Variants in BNC2 observed in about 807,000 individuals in gnomAD.
BNC2 encodes the protein zinc finger protein basonuclin-2.
In BNC2, 20 loss-of-function variants were observed where a neutral mutation model predicts 76.3. That is an observed-to-expected ratio of 0.26 (90% CI 0.18 to 0.38). BNC2 has a LOEUF of 0.38. Ranked by LOEUF, BNC2 falls within the 10% of genes least tolerant of loss-of-function variation. BNC2 has a pLI of 1.00. For synonymous variants in BNC2, 582 were observed against 514.8 expected (o/e 1.13, Z -1.77); for missense variants, 1,382 against 1,399.8 (o/e 0.99, Z 0.20).
chr9:16,757,922 A>G (rs938829459), intron 1 of BNC2, among the ~76,000 whole-genome samples: 3 of 152,164 alleles, frequency 2.0e-5, no homozygotes, highest in African/African-American at 7.2e-5. Flanking sequence ...AAAGCAAGGT[A>G]TATTAGTTTT....
At chr9:16,668,125 A>G (rs1235462296) in intron 3 of BNC2, among the ~76,000 whole-genome samples, 5 of 152,194 alleles carry the variant, frequency 3.3e-5, no homozygotes. Context: ...TGGAAAGACC[A>G]GCTTATTTTT....
At chr9:16,671,336 A>C (rs1277629849) in intron 3 of BNC2, among the ~76,000 whole-genome samples, 2 of 152,236 alleles carry the variant, frequency 1.3e-5, no homozygotes, top group Middle Eastern at 3.2e-3. Flanking sequence ...GAAGCAATGA[A>C]ATAACTCACA....
chr9:16,805,984 T>A (rs1219625012), intron 1 of BNC2, among the ~76,000 whole-genome samples: 2 of 152,154 alleles, frequency 1.3e-5, no homozygotes, highest in Non-Finnish European at 2.9e-5. Context: ...TACAAATGAT[T>A]TGCTTCCCCA....
intron 1 of BNC2, among the ~76,000 whole-genome samples, chr9:16,779,757 G>A (rs1468467437): frequency 2.0e-5 from 3 of 152,174 alleles, no homozygotes; most frequent in African/African-American, 7.2e-5. Flanking sequence ...AATTCCATTT[G>A]TATGAAATGT....
At chr9:16,645,875 C>G (rs969864890) in intron 3 of BNC2, among the ~76,000 whole-genome samples, 4 of 152,180 alleles carry the variant, frequency 2.6e-5, no homozygotes, top group African/African-American at 9.7e-5. Flanking sequence ...AGTAGCAACT[C>G]AGGTCCAGAA....
chr9:16,538,282 C>A (rs1818189271), intron 5 of BNC2, among the ~76,000 whole-genome samples: 1 of 152,146 alleles, frequency 6.6e-6, no homozygotes, highest in Non-Finnish European at 1.5e-5. Flanking sequence ...GTCAAGCTAT[C>A]AGATGAACTA....
chr9:16,807,667 T>C (rs1206636078), intron 1 of BNC2, among the ~76,000 whole-genome samples: 1 of 152,180 alleles, frequency 6.6e-6, no homozygotes, highest in Non-Finnish European at 1.5e-5. Flanking sequence ...AATTCCTGCT[T>C]ACATTACTAA....
chr9:16,767,119 A>T (rs919809511), intron 1 of BNC2, among the ~76,000 whole-genome samples: 1 of 152,218 alleles, frequency 6.6e-6, no homozygotes, highest in East Asian at 1.9e-4. Flanking sequence ...GGAAGATCGT[A>T]AGAGTGAGGG....
At chr9:16,599,243 G>A (rs910787654) in intron 3 of BNC2, among the ~76,000 whole-genome samples, 4 of 152,206 alleles carry the variant, frequency 2.6e-5, no homozygotes, top group Non-Finnish European at 4.4e-5. Context: ...TTTGGAATAT[G>A]AGCTTAATGT....
At chr9:16,451,986 A>C (rs2131075787) in intron 5 of BNC2, among the ~76,000 whole-genome samples, 1 of 152,318 alleles carries the variant, frequency 6.6e-6, no homozygotes, top group African/African-American at 2.4e-5. Context: ...CAAGATCAGG[A>C]GGCTAAAGTG....
chr9:16,431,427 T>C (rs1305711582), intron 6 of BNC2: 3 of 469,128 alleles, frequency 6.4e-6, no homozygotes, highest in South Asian at 4.7e-5. Flanking sequence ...TATCACGCTC[T>C]CTTCAAGAGA....
chr9:16,670,127 A>G lies in BNC2; in HGVS notation c.330+57670T>C, dbSNP rs183406535. Among the ~76,000 whole-genome samples, 183 of 152,284 alleles carry G rather than the reference A, an allele frequency of 1.2e-3. 1 individual carries two copies. Among genetic ancestry groups the G allele is most frequent in the Middle Eastern group, 6.8e-3 (2 of 294 alleles). ...TTAGTTTTTCCTTACACTCTTCTCT[A>G]AATCTTCACTGATCTATCATATGTC... is the stretch of plus-strand genomic sequence containing the variant. On this transcript the variant is annotated intron_variant, in intron 3 of 6. Transcript: ENST00000380672.
In BNC2 at chr9:16,412,958, G is replaced by C. The variant is rs1481321608; in HGVS notation, c.*6031C>G. 1 of 152,714 alleles carries C rather than the reference G, an allele frequency of 6.5e-6. No individual in the cohort carries two copies. Among genetic ancestry groups the C allele is most frequent in the Non-Finnish European group, 1.5e-5 (1 of 68,100 alleles). The allele number at this position is 152,714 out of a possible 1,614,324, so 9.5% of individuals were successfully genotyped here. ...GGGCCAGGGCAATAAGTAGCCAGGA[G>C]AGCTGGGCTGAAGCAGAGAGGGTGT... is the stretch of plus-strand genomic sequence containing the variant. On this transcript the variant is annotated 3_prime_UTR_variant, in exon 7 of 7. Coordinates refer to ENST00000380672, the MANE Select transcript of BNC2 (RefSeq NM_017637.6).
intron 2 of BNC2, among the ~76,000 whole-genome samples, chr9:16,732,294 G>A (rs919459534): frequency 1.3e-5 from 2 of 152,090 alleles, no homozygotes; most frequent in African/African-American, 2.4e-5. Flanking sequence ...TCTTTGAGGG[G>A]AAGGGGATAT....
intron 1 of BNC2, among the ~76,000 whole-genome samples, chr9:16,793,751 C>T (rs1817574627): frequency 6.8e-6 from 1 of 146,216 alleles, no homozygotes; most frequent in South Asian, 2.1e-4. Context: ...TTGCAAGCTC[C>T]GCCTCCCGGG....
chr9:16,414,119 T>G lies in BNC2; in HGVS notation c.*4870A>C, dbSNP rs140758697. The G allele has an allele frequency of 6.6e-6, 1 of 152,322 alleles. No homozygotes were observed. The highest frequency in any genetic ancestry group is 6.5e-5 in the Admixed American group (1 of 15,288). The allele number at this position is 152,322 out of a possible 1,614,324, so 9.4% of individuals were successfully genotyped here. ...CGGCTCTTCCTGACCCCAAAGGAAC[T>G]TCAGCTATTTCATGCAGCTGTACTT... On this transcript the variant is annotated 3_prime_UTR_variant, in exon 7 of 7. Transcript: ENST00000380672.
intron 2 of BNC2, among the ~76,000 whole-genome samples, chr9:16,733,070 A>C (rs1194145172): frequency 6.6e-6 from 1 of 152,198 alleles, no homozygotes; most frequent in Non-Finnish European, 1.5e-5. Flanking sequence ...TAAGGTATAT[A>C]ACTTAATATA....
rs1820533294 is a variant in BNC2 at position 16,414,088 on chromosome 9, A to C, written c.*4901T>G. ...AAAGCAAAAGCAACCAAAACCCCAC[A>C]ATTGTCGGCTCTTCCTGACCCCAAA... is the stretch of plus-strand genomic sequence containing the variant. On this transcript the variant is annotated 3_prime_UTR_variant, in exon 7 of 7. Coordinates refer to ENST00000380672, the MANE Select transcript of BNC2 (RefSeq NM_017637.6). 6.6e-6 allele frequency: 1 copy of C among 152,110 alleles called. No individual in the cohort carries two copies. The highest frequency in any genetic ancestry group is 2.4e-5 in the African/African-American group (1 of 41,392). 9.4% of individuals were successfully genotyped at this position (152,110 alleles called of 1,614,324 possible). A position where few individuals can be genotyped will look rare whatever the true frequency, so the allele number is the denominator to read the frequency against.
chr9:16,753,099 T>C (rs570752753), intron 1 of BNC2, among the ~76,000 whole-genome samples: 7 of 152,214 alleles, frequency 4.6e-5, no homozygotes, highest in South Asian at 4.1e-4. Context: ...ACAGATCTCA[T>C]TGACTCTTCT....
Sources: allele counts gnomAD v4.1 joint callset (sites outside exome capture counted in the v4.1 genomes callset), GRCh38; gene constraint gnomAD v4.1.1; transcripts MANE v1.5; gene names NCBI Gene and HGNC (gene_info 2026-07-23, HGNC 2026-07-21).